KALRN: variants seen among roughly 807,000 people sequenced by gnomAD.
KALRN encodes kalirin RhoGEF kinase, also known as kalirin.
KALRN carries 70 observed loss-of-function variants against 353.7 expected under a neutral mutation model. The observed-to-expected ratio is 0.20, with a 90% CI of 0.16 to 0.24. The LOEUF (loss-of-function observed/expected upper bound fraction) is 0.24, where lower values mean the gene tolerates loss of function less well. KALRN is among the 10% of genes least tolerant of loss of function. KALRN has a pLI of 1.00. For missense variants in KALRN, 2,791 were observed against 3,756.7 expected (o/e 0.74, Z 6.72); for synonymous variants, 1,391 against 1,434.8 (o/e 0.97, Z 0.69).
intron 36 of KALRN, among the ~76,000 whole-genome samples, chr3:124,636,055 C>A (rs1046641221): frequency 1.3e-5 from 2 of 152,124 alleles, no homozygotes; most frequent in Admixed American, 1.3e-4. Context: ...TGGACGTAAG[C>A]TTTTTCCTGC....
intron 11 of KALRN, among the ~76,000 whole-genome samples, chr3:124,394,651 A>G (rs1226809215): frequency 6.6e-6 from 1 of 152,238 alleles, no homozygotes; most frequent in Non-Finnish European, 1.5e-5. Context: ...AGTATGGAAT[A>G]TGTACAGGTT....
intron 2 of KALRN, among the ~76,000 whole-genome samples, chr3:124,228,917 TCTCTAC>T (rs2078865998): frequency 6.6e-6 from 1 of 152,186 alleles, no homozygotes; most frequent in Non-Finnish European, 1.5e-5. Context: ...ATCATTTCCA[TCTCTAC>T]CTCCAGGGTC....
chr3:124,304,908 G>C (rs1248302553), intron 6 of KALRN, among the ~76,000 whole-genome samples: 1 of 152,268 alleles, frequency 6.6e-6, no homozygotes, highest in South Asian at 2.1e-4. Context: ...AATGTCCCCC[G>C]GAGATGGAGA....
rs373858046 is a variant in KALRN, at chr3:124,705,822, C to CCCTTCCTTCCTT, written c.8075+3725_8075+3736dup. ...TCCCTCCCTTCCTTCCTTCCTTCCT[C>CCCTTCCTTCCTT]CCTTCCTTCCTTCCTTCCTTCCTTC... On this transcript the variant is annotated intron_variant, in intron 57 of 59. Transcript: ENST00000682506. 2.6e-3 allele frequency among the ~76,000 whole-genome samples: 375 copies of CCCTTCCTTCCTT among 144,756 alleles called. 1 individual carries two copies. Among genetic ancestry groups the CCCTTCCTTCCTT allele is most frequent in the African/African-American group, 6.8e-3 (257 of 37,680 alleles). 95.0% of individuals were successfully genotyped at this position (144,756 alleles called of 152,430 possible).
At chr3:124,422,344 G>A (rs148675196) in intron 14 of KALRN, among the ~76,000 whole-genome samples, 131 of 152,128 alleles carry the variant, frequency 8.6e-4, no homozygotes, top group Admixed American at 2.0e-3. Flanking sequence ...TCTCATTGAA[G>A]TGAACTTACC....
chr3:124,215,241 G>T (rs1042976501), intron 1 of KALRN, among the ~76,000 whole-genome samples: 1 of 152,176 alleles, frequency 6.6e-6, no homozygotes. Context: ...GGGCACCTGG[G>T]TAGGGGAGCA....
At chr3:124,566,383 T>C (rs1167668356) in intron 34 of KALRN, among the ~76,000 whole-genome samples, 4 of 151,954 alleles carry the variant, frequency 2.6e-5, no homozygotes, top group Non-Finnish European at 5.9e-5. Context: ...TGCACCTATA[T>C]AGTCCCAGCT....
In KALRN at chr3:124,505,146, A is replaced by T. The variant is rs534468848; in HGVS notation, c.4935+8733A>T. 1.4e-4 allele frequency among the ~76,000 whole-genome samples: 22 copies of T among 152,284 alleles called. No individual in the cohort carries two copies. The South Asian group carries it at 1.9e-3, about 13-fold the overall frequency. On this transcript the variant is annotated intron_variant, in intron 33 of 59. Transcript: ENST00000682506. Reference sequence around the variant, plus strand: ...CCCTTTCTTCCTTCTGTATCAATTAAGGAGAAAAAGTTATTTTCATATAGA... The same window carrying T: ...CCCTTTCTTCCTTCTGTATCAATTATGGAGAAAAAGTTATTTTCATATAGA...
At chr3:124,114,159 T>C (rs930384373) in intron 1 of KALRN, among the ~76,000 whole-genome samples, 13 of 152,190 alleles carry the variant, frequency 8.5e-5, no homozygotes, top group Admixed American at 8.5e-4. Flanking sequence ...GAGGTAGAAG[T>C]GTAACTTCAG....
chr3:124,717,628 G>A (rs1162578201), intron 59 of KALRN, among the ~76,000 whole-genome samples: 7 of 151,658 alleles, frequency 4.6e-5, no homozygotes, highest in East Asian at 2.0e-4. Context: ...CCTGGGAGGC[G>A]GAGCTTGCAG....
At chr3:124,442,854 G>A (rs958135151) in intron 19 of KALRN, among the ~76,000 whole-genome samples, 6 of 152,176 alleles carry the variant, frequency 3.9e-5, no homozygotes, top group East Asian at 1.9e-4. Context: ...GTATGGTGGC[G>A]TGCCTATAGC....
intron 56 of KALRN, among the ~76,000 whole-genome samples, chr3:124,700,362 C>T (rs900719086): frequency 6.6e-5 from 10 of 152,112 alleles, no homozygotes; most frequent in Middle Eastern, 3.2e-3. Flanking sequence ...CACCCGGGCA[C>T]CCCTGCCAGC....
At chr3:124,451,238 CA>C (rs1418213413) in intron 21 of KALRN, among the ~76,000 whole-genome samples, 2 of 150,038 alleles carry the variant, frequency 1.3e-5, no homozygotes, top group Non-Finnish European at 3.0e-5. Flanking sequence ...AGATCATAAC[CA>C]AAGATAGAAA....
intron 34 of KALRN, among the ~76,000 whole-genome samples, chr3:124,602,656 A>C (rs2076923033): frequency 6.6e-6 from 1 of 152,206 alleles, no homozygotes; most frequent in Non-Finnish European, 1.5e-5. Context: ...TGGGTCTTAA[A>C]GGGTCAGGAG....
chr3:124,035,045 A>T (rs1415181436), intron 1 of KALRN, among the ~76,000 whole-genome samples: 1 of 152,040 alleles, frequency 6.6e-6, no homozygotes, highest in Non-Finnish European at 1.5e-5. Flanking sequence ...TCATATGTTC[A>T]TTCTCTAGTT....
intron 21 of KALRN, among the ~76,000 whole-genome samples, chr3:124,449,049 G>T (rs1466667499): frequency 6.6e-6 from 1 of 152,190 alleles, no homozygotes; most frequent in Non-Finnish European, 1.5e-5. Flanking sequence ...ACCCAGTTGA[G>T]GAGCTTCTGA....
intron 34 of KALRN, among the ~76,000 whole-genome samples, chr3:124,576,689 CT>C (rs796724449): frequency 8.5e-5 from 13 of 152,298 alleles, no homozygotes; most frequent in African/African-American, 2.9e-4. Context: ...ACAAAATCCA[CT>C]TTCCATTTGA....
At chr3:124,679,266 G>A (rs1036395834) in intron 50 of KALRN, among the ~76,000 whole-genome samples, 192 bp from the exon 51 acceptor site, 8 of 152,084 alleles carry the variant, frequency 5.3e-5, no homozygotes, top group African/African-American at 1.9e-4. Context: ...CACAACCCCC[G>A]CCTCCTCTCC....
intron 33 of KALRN, among the ~76,000 whole-genome samples, chr3:124,546,150 C>T (rs530571017): frequency 2.0e-5 from 3 of 152,200 alleles, no homozygotes. Context: ...AACTCTGTTA[C>T]TTTGTCAAAG....
Sources: allele counts gnomAD v4.1 joint callset (sites outside exome capture counted in the v4.1 genomes callset), GRCh38; gene constraint gnomAD v4.1.1; transcripts MANE v1.5; gene names NCBI Gene and HGNC (gene_info 2026-07-23, HGNC 2026-07-21).